PRH1: variants seen among roughly 807,000 people sequenced by gnomAD.
PRH1 encodes the protein proline rich protein HaeIII subfamily 1.
PRH1 carries 7 observed loss-of-function variants against 7.9 expected under a neutral mutation model. That is an observed-to-expected ratio of 0.89 (90% CI 0.50 to 1.67). The LOEUF (loss-of-function observed/expected upper bound fraction) is 1.67. Ranked by LOEUF, PRH1 falls within the 40% of genes most tolerant of loss-of-function variation. The pLI is 0.00. For synonymous variants in PRH1, 45 were observed against 80.8 expected (o/e 0.56, Z 2.38); for missense variants, 109 against 223.6 (o/e 0.49, Z 3.27).
chr12:11,169,026 G>A (rs1006718829), intron 1 of PRH1, among the ~76,000 whole-genome samples: 2 of 152,176 alleles, frequency 1.3e-5, no homozygotes, highest in African/African-American at 4.8e-5. Context: ...ATGGTGTGGT[G>A]TGAACATAAG....
chr12:11,154,813 GGAA>G lies in PRH1; in HGVS notation n.39+16606_39+16608del, dbSNP rs1449281521. 2.6e-5 allele frequency among the ~76,000 whole-genome samples: 4 copies of G among 152,252 alleles called. No individual in the cohort carries two copies. In the East Asian group the frequency reaches 7.7e-4, roughly 29 times the overall value. On this transcript the variant is annotated intron_variant and non_coding_transcript_variant, in intron 1 of 1. Transcript: ENST00000541175. Reference sequence around the variant, plus strand: ...GAAAGAAATTTTCTTAATCAGATAAGGAAATTCCAGAGAGAATTCCCTCTGGTG... The same window carrying G: ...GAAAGAAATTTTCTTAATCAGATAAGATTCCAGAGAGAATTCCCTCTGGTG...
chr12:11,024,757 A>G (rs997556435), intron 1 of PRH1, among the ~76,000 whole-genome samples: 1 of 151,086 alleles, frequency 6.6e-6, no homozygotes, highest in Non-Finnish European at 1.5e-5. Flanking sequence ...ATTCTTTCAC[A>G]TATCATTTGC....
chr12:11,022,696 G>C, intron 1 of PRH1: 2 of 713,294 alleles, frequency 2.8e-6, no homozygotes, highest in South Asian at 3.9e-5. Context: ...TTTAAATTCA[G>C]TGACTAGTGT....
intron 1 of PRH1, among the ~76,000 whole-genome samples, chr12:10,999,328 T>C (rs1456345113): frequency 6.6e-6 from 1 of 152,146 alleles, no homozygotes; most frequent in Non-Finnish European, 1.5e-5. Flanking sequence ...AAGAAAACTT[T>C]TGGAAAGATC....
intron 1 of PRH1, among the ~76,000 whole-genome samples, chr12:11,147,599 T>G (rs895022141): frequency 2.0e-5 from 3 of 152,208 alleles, no homozygotes; most frequent in Admixed American, 6.5e-5. Flanking sequence ...ATGCTAATAG[T>G]ACCTGTTGAT....
intron 1 of PRH1, among the ~76,000 whole-genome samples, chr12:11,123,072 T>C (rs1945966288): frequency 6.6e-6 from 1 of 152,190 alleles, no homozygotes; most frequent in Admixed American, 6.5e-5. Context: ...CTTTGAACTG[T>C]GTATAGGTGC....
At chr12:10,952,730 T>G (rs1434650465) in intron 2 of PRH1, among the ~76,000 whole-genome samples, 1 of 152,170 alleles carries the variant, frequency 6.6e-6, no homozygotes, top group Non-Finnish European at 1.5e-5. Flanking sequence ...TCCACATGCA[T>G]AAAGATGAAT....
chr12:10,924,494 C>T (rs1443470249), intron 2 of PRH1, among the ~76,000 whole-genome samples: 1 of 152,174 alleles, frequency 6.6e-6, no homozygotes, highest in East Asian at 1.9e-4. Flanking sequence ...ATGGGATGAA[C>T]ATCTACAATG....
At chr12:10,959,279 A>G (rs751463251) in intron 2 of PRH1, among the ~76,000 whole-genome samples, 2 of 152,176 alleles carry the variant, frequency 1.3e-5, no homozygotes, top group Non-Finnish European at 2.9e-5. Context: ...TGATTTGGAC[A>G]TGTTAGTTCA....
At chr12:11,073,485 C>T (rs1335736651) in intron 1 of PRH1, among the ~76,000 whole-genome samples, 1 of 149,622 alleles carries the variant, frequency 6.7e-6, no homozygotes, top group Non-Finnish European at 1.5e-5. Context: ...TACTTCTTAT[C>T]ACTAAAAGAG....
chr12:11,044,419 C>T (rs527345270), intron 1 of PRH1, among the ~76,000 whole-genome samples: 16 of 152,022 alleles, frequency 1.1e-4, no homozygotes, highest in African/African-American at 3.9e-4. Flanking sequence ...CACAGGGAAC[C>T]AAGTCAAAAA....
intron 1 of PRH1, chr12:10,997,339 T>G (rs780242860): frequency 6.2e-7 from 1 of 1,614,112 alleles, no homozygotes; most frequent in Non-Finnish European, 8.5e-7. Context: ...CTAGCATGGC[T>G]ACAGTCAAGT....
intron 1 of PRH1, among the ~76,000 whole-genome samples, chr12:11,126,382 C>T (rs1444150784): frequency 2.0e-5 from 3 of 148,396 alleles, no homozygotes; most frequent in Non-Finnish European, 4.5e-5. Context: ...ATCTTAATAT[C>T]TCTCGTATCT....
intron 2 of PRH1, among the ~76,000 whole-genome samples, chr12:10,915,760 C>T (rs1283456056): frequency 1.3e-5 from 2 of 152,206 alleles, no homozygotes; most frequent in African/African-American, 4.8e-5. Context: ...GATTGGTTAG[C>T]TATAAAGTTA....
At chr12:10,967,163 G>C (rs1286611429) in intron 2 of PRH1, among the ~76,000 whole-genome samples, 1 of 151,240 alleles carries the variant, frequency 6.6e-6, no homozygotes, top group African/African-American at 2.4e-5. Flanking sequence ...GAAAGATCTG[G>C]GTACTTCAGG....
chr12:10,915,082 C>A (rs574168482), intron 2 of PRH1, among the ~76,000 whole-genome samples: 1 of 152,136 alleles, frequency 6.6e-6, no homozygotes, highest in Non-Finnish European at 1.5e-5. Flanking sequence ...GAGCCAAGAT[C>A]ATGCCACTGC....
chr12:10,944,876 T>G (rs776603808), intron 2 of PRH1, among the ~76,000 whole-genome samples: 2 of 152,218 alleles, frequency 1.3e-5, no homozygotes, highest in Non-Finnish European at 2.9e-5. Context: ...GATTTTTGTA[T>G]GTTGAACTAA....
chr12:10,887,164 T>G (rs1034883656), upstream of PRH1, among the ~76,000 whole-genome samples: 1 of 152,204 alleles, frequency 6.6e-6, no homozygotes, highest in Admixed American at 6.5e-5. Context: ...GAAAGTAGAA[T>G]CTTCTTCGAC....
At position 11,091,115 on chromosome 12, in the gene PRH1, C is replaced by CACACATATATATAT. The variant is rs751016037; in HGVS notation, n.124-43928_124-43927insATATATATATGTGT. Among the ~76,000 whole-genome samples, 45 of 25,116 alleles carry CACACATATATATAT rather than the reference C, an allele frequency of 1.8e-3. 4 individuals are homozygous for CACACATATATATAT. The highest frequency in any genetic ancestry group is 0.012 in the East Asian group (5 of 426). The allele number at this position is 25,116 out of a possible 152,430, so 16.5% of individuals were successfully genotyped here. On this transcript the variant is annotated intron_variant and non_coding_transcript_variant, in intron 1 of 4. Transcript: ENST00000541977. The stretch of plus-strand genomic sequence containing the variant: ...ACACAAATACACACACACACACACA[C>CACACATATATATAT]ATATATATATATATATATATATATA...
Sources: allele counts gnomAD v4.1 joint callset (sites outside exome capture counted in the v4.1 genomes callset), GRCh38; gene constraint gnomAD v4.1.1; transcripts MANE v1.5; gene names NCBI Gene and HGNC (gene_info 2026-07-23, HGNC 2026-07-21).